Variants in TPST1 observed in about 807,000 individuals in gnomAD.
TPST1 encodes the protein protein-tyrosine sulfotransferase 1.
A neutral mutation model predicts 34.8 loss-of-function variants in TPST1; 20 were observed. That is an observed-to-expected ratio of 0.57 (90% confidence interval 0.40 to 0.84). The LOEUF (loss-of-function observed/expected upper bound fraction) is 0.84, where lower values mean the gene tolerates loss of function less well. Ranked by LOEUF, TPST1 falls within the 40% of genes least tolerant of loss-of-function variation. The pLI is 0.00. For synonymous variants in TPST1, 152 were observed against 159.4 expected, an observed-to-expected ratio of 0.95 and a Z score of 0.35; for missense variants, 353 against 455.5, an observed-to-expected ratio of 0.78 and a Z score of 2.05.
At chr7:66,339,680 A>G (rs1792193997) in intron 3 of TPST1, among the ~76,000 whole-genome samples, 1 of 151,996 alleles carries the variant, frequency 6.6e-6, no homozygotes, top group African/African-American at 2.4e-5. Flanking sequence ...GAACAGACTT[A>G]CTTGAGGGTG....
At chr7:66,286,009 C>A (rs571925924) in intron 2 of TPST1, among the ~76,000 whole-genome samples, 18 of 152,182 alleles carry the variant, frequency 1.2e-4, no homozygotes, top group African/African-American at 4.1e-4. Flanking sequence ...CATTTTGTTA[C>A]GAAAAGTTAA....
intron 2 of TPST1, among the ~76,000 whole-genome samples, chr7:66,278,435 T>C: frequency 6.6e-6 from 1 of 152,116 alleles, no homozygotes; most frequent in African/African-American, 2.4e-5. Context: ...ATTAGACTTC[T>C]GAGTGAAGAT....
At chr7:66,224,234 T>G (rs554256238) in intron 1 of TPST1, among the ~76,000 whole-genome samples, 1 of 152,348 alleles carries the variant, frequency 6.6e-6, no homozygotes, top group Admixed American at 6.5e-5. Context: ...AAAGCTGTCA[T>G]TCAAAATCAG....
chr7:66,316,533 C>T (rs1055084410), intron 3 of TPST1, among the ~76,000 whole-genome samples: 2 of 152,136 alleles, frequency 1.3e-5, no homozygotes, highest in African/African-American at 4.8e-5. Flanking sequence ...TGAAATCTTC[C>T]ACTTTGTGGA....
intron 1 of TPST1, among the ~76,000 whole-genome samples, chr7:66,208,557 C>T (rs1388725290): frequency 6.6e-6 from 1 of 152,150 alleles, no homozygotes; most frequent in Non-Finnish European, 1.5e-5. Flanking sequence ...CAACCTCTGC[C>T]TCCAGGGTTT....
At chr7:66,315,494 G>A (rs1170696577) in intron 3 of TPST1, among the ~76,000 whole-genome samples, 10 of 152,344 alleles carry the variant, frequency 6.6e-5, no homozygotes, top group Admixed American at 5.9e-4. Flanking sequence ...AGAAAGCCTG[G>A]GTGATGCAAT....
chr7:66,273,252 A>G (rs946573799), intron 2 of TPST1, among the ~76,000 whole-genome samples: 3 of 152,244 alleles, frequency 2.0e-5, no homozygotes, highest in African/African-American at 7.2e-5. Context: ...TTGTACACTA[A>G]GAACTATAAA....
chr7:66,234,468 T>C (rs1789869574), intron 1 of TPST1, among the ~76,000 whole-genome samples: 1 of 129,920 alleles, frequency 7.7e-6, no homozygotes, highest in South Asian at 2.5e-4. Context: ...AGGACAAGCA[T>C]TTAATGTTTC....
intron 3 of TPST1, among the ~76,000 whole-genome samples, chr7:66,347,020 G>A (rs912258660): frequency 2.8e-5 from 4 of 140,702 alleles, no homozygotes; most frequent in Non-Finnish European, 3.1e-5. Flanking sequence ...AGAGATAGGG[G>A]TCTAGTTTCT....
intron 2 of TPST1, among the ~76,000 whole-genome samples, chr7:66,269,503 G>A (rs73144216): frequency 0.031 from 4,774 of 152,206 alleles, 118 homozygotes; most frequent in Non-Finnish European, 0.041. Context: ...AAAACCATAT[G>A]ATCATATCAT....
intron 2 of TPST1, among the ~76,000 whole-genome samples, chr7:66,250,392 G>T (rs1019210530): frequency 8.5e-5 from 13 of 152,124 alleles, no homozygotes; most frequent in African/African-American, 3.1e-4. Context: ...CAGCATTTAT[G>T]AAGACAAACT....
chr7:66,218,134 C>T (rs1183334311), intron 1 of TPST1, among the ~76,000 whole-genome samples: 2 of 152,132 alleles, frequency 1.3e-5, no homozygotes, highest in South Asian at 2.1e-4. Context: ...CCGCCTTGGC[C>T]TCCCAACATG....
At chr7:66,251,940 A>G (rs1212642438) in intron 2 of TPST1, among the ~76,000 whole-genome samples, 1 of 151,942 alleles carries the variant, frequency 6.6e-6, no homozygotes, top group Non-Finnish European at 1.5e-5. Flanking sequence ...GAACATTTGG[A>G]TTGTTTTTAG....
At chr7:66,282,097 G>A (rs897626391) in intron 2 of TPST1, among the ~76,000 whole-genome samples, 7 of 152,222 alleles carry the variant, frequency 4.6e-5, no homozygotes, top group Non-Finnish European at 8.8e-5. Flanking sequence ...CTAAAGGGGT[G>A]TAGAATGGTA....
intron 1 of TPST1, among the ~76,000 whole-genome samples, chr7:66,208,981 A>G (rs888989005): frequency 6.6e-6 from 1 of 152,042 alleles, no homozygotes; most frequent in African/African-American, 2.4e-5. Context: ...AGAAGGTAAC[A>G]TATGGAAAAG....
At position 66,218,491 on chromosome 7, in the gene TPST1, G is replaced by A. The variant is rs540589515; in HGVS notation, c.-102+12969G>A. Among the ~76,000 whole-genome samples, 3 of 152,262 alleles carry A rather than the reference G, an allele frequency of 2.0e-5. No homozygotes were observed. The East Asian group carries it at 5.8e-4, about 29-fold the overall frequency. On this transcript the variant is annotated intron_variant, in intron 1 of 5. Coordinates refer to ENST00000304842, the MANE Select transcript of TPST1 (RefSeq NM_003596.4). ...CAGTACATGGTTGTACATGTGATATGTTTTTATAATTATTGGAAAGGTATA... is the reference window on the plus strand; with the variant it reads ...CAGTACATGGTTGTACATGTGATATATTTTTATAATTATTGGAAAGGTATA...
intron 3 of TPST1, among the ~76,000 whole-genome samples, chr7:66,301,835 C>G (rs949930): frequency 0.65 from 98,261 of 152,038 alleles, 32,114 homozygotes; most frequent in African/African-American, 0.74. Flanking sequence ...AATGAAGAAG[C>G]TTCAAATATT....
rs1306273467 is a variant in TPST1 at position 66,271,057 on chromosome 7, G to A, written c.846-15454G>A. On this transcript the variant is annotated intron_variant, in intron 2 of 5. Transcript: ENST00000304842. ...ATACTTGATTCTTTTGCTTTTTTGG[G>A]GCCAGTTTTCAAGATAATGGTTTGG... 2.0e-5 allele frequency among the ~76,000 whole-genome samples: 3 copies of A among 151,808 alleles called. No homozygotes were observed. In the East Asian group the frequency reaches 5.8e-4, roughly 29 times the overall value.
intron 1 of TPST1, among the ~76,000 whole-genome samples, chr7:66,227,431 T>C (rs1222115600): frequency 6.6e-6 from 1 of 152,064 alleles, no homozygotes; most frequent in East Asian, 1.9e-4. Context: ...ATTAATTTAG[T>C]TAGTTTTTAG....
Sources: allele counts gnomAD v4.1 joint callset (sites outside exome capture counted in the v4.1 genomes callset), GRCh38; gene constraint gnomAD v4.1.1; transcripts MANE v1.5; gene names NCBI Gene and HGNC (gene_info 2026-07-23, HGNC 2026-07-21).